Variants in TAAR1 observed in about 807,000 individuals in gnomAD.
TAAR1 encodes the protein trace amine-associated receptor 1.
Under a neutral mutation model 1.2 loss-of-function variants are expected in TAAR1, and 1 was observed. That is an observed-to-expected ratio of 0.81 (90% CI 0.29 to 3.86). The LOEUF (loss-of-function observed/expected upper bound fraction) is 3.86, where lower values mean the gene tolerates loss of function less well. Ranked by LOEUF, TAAR1 falls within the 30% of genes most tolerant of loss-of-function variation. The pLI, the probability that TAAR1 is intolerant of heterozygous loss-of-function variation, is 0.18. For synonymous variants in TAAR1, 153 were observed against 132.2 expected, an observed-to-expected ratio of 1.16 and a Z score of -1.08; for missense variants, 445 against 405.6, an observed-to-expected ratio of 1.10 and a Z score of -0.83.
rs1777670101 is a variant in TAAR1, at chr6:132,646,136, G to A, written c.-126-7C>T. The A allele has an allele frequency of 1.9e-6, 2 of 1,036,410 alleles. No individual in the cohort carries two copies. Among genetic ancestry groups the A allele is most frequent in the Non-Finnish European group, 1.4e-6 (1 of 723,968 alleles). 64.2% of individuals were successfully genotyped at this position (1,036,410 alleles called of 1,614,324 possible). On this transcript the variant is annotated splice_region_variant and splice_polypyrimidine_tract_variant and intron_variant, in intron 1 of 1. Transcript: ENST00000275216. ...ACATACTTATCCCAGAAACCTAGGA[G>A]GAAAAATAAAAGAGTAAATCATTGG...
At chr6:132,647,670 A>AAG (rs1310709559) in intron 1 of TAAR1, among the ~76,000 whole-genome samples, 1 of 147,632 alleles carries the variant, frequency 6.8e-6, no homozygotes, top group East Asian at 2.0e-4. Context: ...GAAAGAAAGA[A>AAG]AGAAAGAAAG....
rs1466607504 is a variant in TAAR1, at chr6:132,647,679, A to AGAAG, written c.-126-1554_-126-1551dup. Among the ~76,000 whole-genome samples the AGAAG allele has an allele frequency of 3.8e-3, 561 of 148,466 alleles. 3 individuals carry two copies. Among genetic ancestry groups the AGAAG allele is most frequent in the East Asian group, 8.4e-3 (42 of 5,008 alleles). On this transcript the variant is annotated intron_variant, in intron 1 of 1. Coordinates refer to ENST00000275216, the MANE Select transcript of TAAR1 (RefSeq NM_138327.4). ...AAGAAAGAAAGAAAGAAAGAAAGAAAGAAGAAAGAAAGGAAGGAAGGAAAG... is the reference window on the plus strand; with the variant it reads ...AAGAAAGAAAGAAAGAAAGAAAGAAAGAAGGAAGAAAGAAAGGAAGGAAGGAAAG...
At chr6:132,646,571 C>A (rs1470928106) in intron 1 of TAAR1, among the ~76,000 whole-genome samples, 1 of 152,068 alleles carries the variant, frequency 6.6e-6, no homozygotes, top group Non-Finnish European at 1.5e-5. Flanking sequence ...ACGCACTATG[C>A]CCACTTCTGC....
intron 1 of TAAR1, among the ~76,000 whole-genome samples, chr6:132,647,390 A>G (rs1195022925): frequency 1.3e-5 from 2 of 148,892 alleles, no homozygotes; most frequent in Non-Finnish European, 3.0e-5. Context: ...ACACACACAC[A>G]CACATATATA....
intron 1 of TAAR1, among the ~76,000 whole-genome samples, chr6:132,646,563 G>T (rs367980292): frequency 2.0e-5 from 3 of 152,090 alleles, no homozygotes; most frequent in South Asian, 2.1e-4. Context: ...GAATTAATAC[G>T]CACTATGCCC....
intron 1 of TAAR1, among the ~76,000 whole-genome samples, chr6:132,654,705 C>A (rs1200642146): frequency 6.6e-6 from 1 of 152,068 alleles, no homozygotes; most frequent in African/African-American, 2.4e-5. Flanking sequence ...GATTCTTATA[C>A]CTAATACCTC....
At chr6:132,647,682 A>AAGAAAGAC (rs1266056167) in intron 1 of TAAR1, among the ~76,000 whole-genome samples, 1 of 151,410 alleles carries the variant, frequency 6.6e-6, no homozygotes, top group Non-Finnish European at 1.5e-5. Context: ...GAAAGAAAGA[A>AAGAAAGAC]GAAAGAAAGG....
rs753568048 is a variant in TAAR1, at chr6:132,645,502, C to A, written c.502G>T (p.Ala168Ser). The A allele has an allele frequency of 5.6e-6, 9 of 1,613,576 alleles. No homozygotes were observed. Among genetic ancestry groups the A allele is most frequent in the South Asian group, 1.1e-5 (1 of 91,062 alleles). ...MIFLELNFKG[A>S]EEIYYKHVHC... ...ACATGTTTGTAATATATCTCTTCAG[C>A]GCCTTTGAAGTTTAGCTCCAGAAAG... Residue 168 changes from alanine (A) to serine (S), a missense_variant, in exon 2 of 2, where the codon GCT becomes TCT. Ala to Ser is a moderately conservative substitution (Grantham distance 99). Coordinates refer to ENST00000275216, the MANE Select transcript of TAAR1 (RefSeq NM_138327.4).
intron 1 of TAAR1, among the ~76,000 whole-genome samples, chr6:132,648,829 G>A (rs990487612): frequency 6.6e-6 from 1 of 152,102 alleles, no homozygotes; most frequent in African/African-American, 2.4e-5. Flanking sequence ...TATATACAAA[G>A]TTTCCAGGTT....
At chr6:132,652,256 ATT>A (rs1292833662) in intron 1 of TAAR1, among the ~76,000 whole-genome samples, 1 of 149,828 alleles carries the variant, frequency 6.7e-6, no homozygotes, top group Non-Finnish European at 1.5e-5. Context: ...TGAGATATGA[ATT>A]TTTTTTGGTA....
intron 1 of TAAR1, among the ~76,000 whole-genome samples, chr6:132,653,510 T>C (rs756789749): frequency 6.6e-6 from 1 of 152,228 alleles, no homozygotes; most frequent in Non-Finnish European, 1.5e-5. Flanking sequence ...TTTTCTTCTG[T>C]CTGGTAATTT....
intron 1 of TAAR1, among the ~76,000 whole-genome samples, chr6:132,651,454 C>A (rs1346816719): frequency 6.6e-6 from 1 of 152,200 alleles, no homozygotes; most frequent in Non-Finnish European, 1.5e-5. Context: ...GCTTCTCCTT[C>A]TGCTCTCTAT....
intron 1 of TAAR1, among the ~76,000 whole-genome samples, chr6:132,657,393 T>C (rs1777816333): frequency 6.6e-6 from 1 of 151,866 alleles, no homozygotes; most frequent in Admixed American, 6.6e-5. Flanking sequence ...CATATATATA[T>C]ATATATATCA....
Position 132,644,465 on chromosome 6 carries a change from A to C in TAAR1, c.*519T>G, listed in dbSNP as rs927761920. 2.6e-5 allele frequency among the ~76,000 whole-genome samples: 4 copies of C among 152,008 alleles called. No homozygotes were observed. Among genetic ancestry groups the C allele is most frequent in the African/African-American group, 7.2e-5 (3 of 41,422 alleles). On this transcript the variant is annotated 3_prime_UTR_variant, in exon 2 of 2. Transcript: ENST00000275216. ...AGAAAAACATAATTTAAAAATGTGA[A>C]GATCAAGATATTTAAGGATTGGAAT... is the stretch of plus-strand genomic sequence containing the variant.
intron 1 of TAAR1, among the ~76,000 whole-genome samples, chr6:132,653,201 T>C (rs550069704): frequency 6.6e-6 from 1 of 152,060 alleles, no homozygotes; most frequent in East Asian, 1.9e-4. Context: ...AACAAGAAAA[T>C]GACAGTGGAG....
chr6:132,647,362 G>GCACACACACACA (rs55908881), intron 1 of TAAR1, among the ~76,000 whole-genome samples: 10 of 140,694 alleles, frequency 7.1e-5, no homozygotes, highest in African/African-American at 2.7e-4. Context: ...ACATACGCAT[G>GCACACACACACA]CACACACACA....
At chr6:132,658,393 T>A (rs1036481097) in intron 1 of TAAR1, among the ~76,000 whole-genome samples, 1 of 152,168 alleles carries the variant, frequency 6.6e-6, no homozygotes, top group Admixed American at 6.5e-5. Flanking sequence ...AGCAATATTA[T>A]GATAAATGTA....
rs907373889 is a variant in TAAR1, at chr6:132,643,834, A to AT, written c.*1149dup. 2.7e-4 allele frequency among the ~76,000 whole-genome samples: 41 copies of AT among 152,024 alleles called. No individual in the cohort carries two copies. The highest frequency in any genetic ancestry group is 1.4e-3 in the Admixed American group (21 of 15,238). On this transcript the variant is annotated 3_prime_UTR_variant, in exon 2 of 2. Coordinates refer to ENST00000275216, the MANE Select transcript of TAAR1 (RefSeq NM_138327.4). ...AAACCATTATTTGTTCCTCTTTTGT[A>AT]TTTTTATATATGCCATCTAAATAGC...
chr6:132,657,136 A>G (rs1325878424), intron 1 of TAAR1, among the ~76,000 whole-genome samples: 2 of 152,152 alleles, frequency 1.3e-5, no homozygotes, highest in African/African-American at 4.8e-5. Context: ...TTGGCCTGAA[A>G]CTTAAATTCT....
Sources: allele counts gnomAD v4.1 joint callset (sites outside exome capture counted in the v4.1 genomes callset), GRCh38; gene constraint gnomAD v4.1.1; transcripts MANE v1.5; gene names NCBI Gene and HGNC (gene_info 2026-07-23, HGNC 2026-07-21).